The following DAPK2 variants were observed in gnomAD, a reference collection of about 807,000 sequenced individuals.
The protein encoded by DAPK2 is death associated protein kinase 2.
DAPK2 carries 35 observed loss-of-function variants against 44.1 expected under a neutral mutation model. The observed-to-expected ratio is 0.79, with a 90% confidence interval of 0.61 to 1.05. The LOEUF (loss-of-function observed/expected upper bound fraction) is 1.05. Among genes scored for constraint, DAPK2 ranks in the 50% least tolerant of loss-of-function variants. DAPK2 has a pLI of 0.00. For missense variants in DAPK2, 453 were observed against 483.2 expected, an observed-to-expected ratio of 0.94 and a Z score of 0.59; for synonymous variants, 174 against 182.6, an observed-to-expected ratio of 0.95 and a Z score of 0.38.
At chr15:63,934,645 C>T (rs2077086717) in intron 4 of DAPK2, among the ~76,000 whole-genome samples, 1 of 152,152 alleles carries the variant, frequency 6.6e-6, no homozygotes. Context: ...GCAACCTCCG[C>T]CTCCCAGGTT....
upstream of DAPK2, among the ~76,000 whole-genome samples, chr15:64,043,421 T>C (rs80019537): frequency 4.8e-4 from 73 of 152,368 alleles, no homozygotes; most frequent in East Asian, 0.013. Context: ...GGAATCATTA[T>C]ACAGCAATAA....
chr15:64,014,204 G>A (rs1482357626), intron 1 of DAPK2, among the ~76,000 whole-genome samples: 2 of 152,202 alleles, frequency 1.3e-5, no homozygotes, highest in African/African-American at 2.4e-5. Context: ...ACTACCTGCG[G>A]AGGCAGCACT....
intron 1 of DAPK2, among the ~76,000 whole-genome samples, chr15:64,019,851 A>G (rs1428682567): frequency 6.6e-6 from 1 of 152,180 alleles, no homozygotes; most frequent in Non-Finnish European, 1.5e-5. Flanking sequence ...TGACACACCT[A>G]TGCGTTGTAT....
At position 63,957,219 on chromosome 15, in the gene DAPK2, T is replaced by C. The variant is rs182393379; in HGVS notation, c.453+14204A>G. Among the ~76,000 whole-genome samples, 1,215 of 152,354 alleles carry C rather than the reference T, an allele frequency of 8.0e-3. 9 individuals carry two copies. The highest frequency in any genetic ancestry group is 0.019 in the South Asian group (90 of 4,830). ...TTATCCTGAAATCTATTTTGTCTGA[T>C]GTAAATATAGCTACTCCTGCTCTTT... is the stretch of plus-strand genomic sequence containing the variant. On this transcript the variant is annotated intron_variant, in intron 3 of 10. Transcript: ENST00000261891.
intron 3 of DAPK2, among the ~76,000 whole-genome samples, chr15:63,941,125 G>A (rs779864815): frequency 2.6e-5 from 4 of 152,178 alleles, no homozygotes; most frequent in Non-Finnish European, 5.9e-5. Context: ...GGTTTCCACA[G>A]CTTGCACCTT....
chr15:64,040,784 A>G (rs2080333525), upstream of DAPK2, among the ~76,000 whole-genome samples: 1 of 151,070 alleles, frequency 6.6e-6, no homozygotes, highest in Non-Finnish European at 1.5e-5. Flanking sequence ...GGTGGCATGC[A>G]TCTGTAATCC....
chr15:63,946,085 G>A (rs1013432832), intron 3 of DAPK2, among the ~76,000 whole-genome samples: 1 of 152,232 alleles, frequency 6.6e-6, no homozygotes, highest in Non-Finnish European at 1.5e-5. Flanking sequence ...CACAGGTGCC[G>A]CCACTGCCCA....
intron 4 of DAPK2, among the ~76,000 whole-genome samples, chr15:63,936,468 A>G (rs2077152845): frequency 6.6e-6 from 1 of 152,094 alleles, no homozygotes; most frequent in South Asian, 2.1e-4. Flanking sequence ...AAAATTAGCC[A>G]GACGTGGTGG....
chr15:63,944,473 A>G (rs758896979), intron 3 of DAPK2, among the ~76,000 whole-genome samples: 7 of 152,158 alleles, frequency 4.6e-5, no homozygotes, highest in Non-Finnish European at 1.0e-4. Context: ...CCCAAGCTCC[A>G]CTATTAGCCT....
intron 1 of DAPK2, among the ~76,000 whole-genome samples, chr15:64,010,509 A>G (rs948978625): frequency 6.6e-6 from 1 of 152,132 alleles, no homozygotes; most frequent in African/African-American, 2.4e-5. Flanking sequence ...TTTCAATGTG[A>G]TGATGATCCC....
chr15:63,973,401 G>A (rs2078265797), intron 2 of DAPK2, among the ~76,000 whole-genome samples: 1 of 152,236 alleles, frequency 6.6e-6, no homozygotes, highest in South Asian at 2.1e-4. Context: ...GGCCTGGAGG[G>A]CAGAGCAATG....
At chr15:64,031,647 A>T (rs2080019930) in intron 1 of DAPK2, among the ~76,000 whole-genome samples, 2 of 152,230 alleles carry the variant, frequency 1.3e-5, no homozygotes, top group South Asian at 4.1e-4. Context: ...GGTAGTGAAG[A>T]GGGCTTTGCC....
intron 1 of DAPK2, among the ~76,000 whole-genome samples, chr15:64,035,500 C>G (rs769615034): frequency 2.0e-5 from 3 of 152,184 alleles, no homozygotes; most frequent in Non-Finnish European, 4.4e-5. Context: ...TTTTGTGGGT[C>G]CTTATGATGC....
At chr15:63,970,133 G>C (rs2078171072) in intron 3 of DAPK2, among the ~76,000 whole-genome samples, 4 of 152,214 alleles carry the variant, frequency 2.6e-5, no homozygotes, top group Admixed American at 6.5e-5. Context: ...CTCCCAGCCA[G>C]AGGGATCACT....
intron 3 of DAPK2, among the ~76,000 whole-genome samples, chr15:63,954,044 T>C (rs561232061): frequency 2.6e-5 from 4 of 152,348 alleles, no homozygotes; most frequent in African/African-American, 9.6e-5. Context: ...TCCTTATATA[T>C]TCTGGTTATT....
chr15:63,930,472 T>C lies in DAPK2; in HGVS notation c.584-17A>G, dbSNP rs763633595. ...TTTCTGGAGCTGAAAGAAGTCATAT[T>C]AAATAGTCAACATGAGTGTGAAAAT... On this transcript the variant is annotated splice_polypyrimidine_tract_variant and intron_variant, in intron 4 of 10. Transcript: ENST00000261891. 3.1e-6 allele frequency: 5 copies of C among 1,613,422 alleles called. No individual in the cohort carries two copies. Among genetic ancestry groups the C allele is most frequent in the Non-Finnish European group, 4.2e-6 (5 of 1,179,464 alleles).
At chr15:63,918,539 G>A (rs1042229044) in intron 8 of DAPK2, 1 of 152,350 alleles carries the variant, frequency 6.6e-6, no homozygotes, top group African/African-American at 2.4e-5. Flanking sequence ...GAGCACAGAA[G>A]CCGACCTTTT....
At chr15:63,941,296 G>A (rs1010832825) in intron 3 of DAPK2, among the ~76,000 whole-genome samples, 2 of 151,336 alleles carry the variant, frequency 1.3e-5, no homozygotes, top group Non-Finnish European at 2.9e-5. Context: ...GCCCCACCCC[G>A]CTCCAGGCCC....
intron 3 of DAPK2, among the ~76,000 whole-genome samples, chr15:63,957,359 TC>T (rs780131938): frequency 2.9e-4 from 44 of 151,738 alleles, no homozygotes; most frequent in Admixed American, 4.6e-4. Context: ...TCTGGTTTTT[TC>T]TTTATTATTA....
Sources: allele counts gnomAD v4.1 joint callset (sites outside exome capture counted in the v4.1 genomes callset), GRCh38; gene constraint gnomAD v4.1.1; transcripts MANE v1.5; gene names NCBI Gene and HGNC (gene_info 2026-07-23, HGNC 2026-07-21).